The following FSTL4 variants were observed in gnomAD, a reference collection of about 807,000 sequenced individuals.
FSTL4 encodes follistatin like 4.
Under a neutral mutation model 78.2 loss-of-function variants are expected in FSTL4, and 28 were observed. The ratio of observed to expected loss-of-function variants is 0.36; its 90% confidence interval spans 0.27 to 0.49. The LOEUF is 0.49. Ranked by LOEUF, FSTL4 falls within the 20% of genes least tolerant of loss-of-function variation. The pLI, the probability that FSTL4 is intolerant of heterozygous loss-of-function variation, is 0.98. For synonymous variants in FSTL4, 422 were observed against 440.5 expected (o/e 0.96, Z 0.53); for missense variants, 922 against 1,084.9 (o/e 0.85, Z 2.11).
chr5:133,232,941 T>C (rs545026691), intron 8 of FSTL4, among the ~76,000 whole-genome samples: 58 of 152,220 alleles, frequency 3.8e-4, no homozygotes, highest in Non-Finnish European at 7.2e-4. Context: ...ATGAGGCTCA[T>C]TGGGCCTCCT....
chr5:133,405,886 G>A (rs1756352428), intron 3 of FSTL4, among the ~76,000 whole-genome samples: 1 of 152,202 alleles, frequency 6.6e-6, no homozygotes, highest in Non-Finnish European at 1.5e-5. Context: ...CGCAGTTCCT[G>A]CCTGCCAGCT....
the FSTL4 span, among the ~76,000 whole-genome samples, chr5:133,689,397 T>C: frequency 6.6e-6 from 1 of 152,176 alleles, no homozygotes; most frequent in Non-Finnish European, 1.5e-5. Context: ...CTTGAGGCAA[T>C]CTACAGTGCC....
chr5:133,561,787 C>T (rs1056333789), intron 3 of FSTL4, among the ~76,000 whole-genome samples: 4 of 152,154 alleles, frequency 2.6e-5, no homozygotes, highest in Non-Finnish European at 4.4e-5. Context: ...TACCTGAAGT[C>T]ACACTGTGAG....
chr5:133,336,860 T>C (rs1349460595), intron 4 of FSTL4, among the ~76,000 whole-genome samples: 1 of 151,988 alleles, frequency 6.6e-6, no homozygotes, highest in East Asian at 1.9e-4. Flanking sequence ...TTGAGGAGAG[T>C]GAGCACCATT....
At chr5:133,302,583 C>G (rs1253210196) in intron 6 of FSTL4, among the ~76,000 whole-genome samples, 1 of 152,140 alleles carries the variant, frequency 6.6e-6, no homozygotes, top group African/African-American at 2.4e-5. Context: ...GGCACTGTCC[C>G]GTGGAAGGCC....
At chr5:133,508,479 G>T (rs1758658455) in intron 3 of FSTL4, among the ~76,000 whole-genome samples, 1 of 152,190 alleles carries the variant, frequency 6.6e-6, no homozygotes, top group Non-Finnish European at 1.5e-5. Context: ...ACGTGAATAA[G>T]GATTATGCTG....
the FSTL4 span, among the ~76,000 whole-genome samples, chr5:133,654,802 G>A: frequency 7.9e-5 from 12 of 152,300 alleles, no homozygotes; most frequent in African/African-American, 2.9e-4. Context: ...AGGGATCCAC[G>A]AGTTCAGGTC....
At chr5:133,607,576 G>A (rs935903704) in intron 1 of FSTL4, among the ~76,000 whole-genome samples, 4 of 152,186 alleles carry the variant, frequency 2.6e-5, no homozygotes, top group Non-Finnish European at 5.9e-5. Flanking sequence ...AGTCAGGCAC[G>A]TAGACCCACG....
intron 4 of FSTL4, among the ~76,000 whole-genome samples, chr5:133,353,099 G>A (rs2126927978): frequency 6.6e-6 from 1 of 152,120 alleles, no homozygotes; most frequent in African/African-American, 2.4e-5. Context: ...TCCTACTTGT[G>A]CATTTGGCAT....
the FSTL4 span, among the ~76,000 whole-genome samples, chr5:133,736,819 T>C: frequency 6.6e-6 from 1 of 152,202 alleles, no homozygotes; most frequent in Non-Finnish European, 1.5e-5. Flanking sequence ...GCAGATGGAC[T>C]GCAGCCTTGT....
At chr5:133,419,279 C>G (rs1756643191) in intron 3 of FSTL4, among the ~76,000 whole-genome samples, 1 of 152,122 alleles carries the variant, frequency 6.6e-6, no homozygotes, top group Non-Finnish European at 1.5e-5. Context: ...GCCACCATGC[C>G]CAGCTAATTT....
the FSTL4 span, among the ~76,000 whole-genome samples, chr5:133,760,984 G>A: frequency 4.6e-5 from 7 of 152,246 alleles, no homozygotes; most frequent in East Asian, 1.9e-4. Context: ...CCAGCATGGC[G>A]GAAGCTCCTT....
chr5:133,739,027 G>A, the FSTL4 span, among the ~76,000 whole-genome samples: 1 of 152,088 alleles, frequency 6.6e-6, no homozygotes, highest in Admixed American at 6.5e-5. Flanking sequence ...CCTTGAGCCA[G>A]TGCCACCCCC....
At chr5:133,603,039 C>T (rs1007687340) in intron 2 of FSTL4, among the ~76,000 whole-genome samples, 2 of 152,208 alleles carry the variant, frequency 1.3e-5, no homozygotes, top group Admixed American at 6.5e-5. Flanking sequence ...AGGAAAAGTG[C>T]CCTGGAAAGC....
At chr5:133,468,697 T>A (rs1238788646) in intron 3 of FSTL4, among the ~76,000 whole-genome samples, 1 of 152,170 alleles carries the variant, frequency 6.6e-6, no homozygotes, top group Non-Finnish European at 1.5e-5. Context: ...TGAGACTCAG[T>A]GTGGCAGCAC....
chr5:133,458,438 G>A (rs1405129652), intron 3 of FSTL4: 1 of 152,226 alleles, frequency 6.6e-6, no homozygotes, highest in African/African-American at 2.4e-5. Context: ...CTTGGGTAGT[G>A]AGCCTCCTTC....
At chr5:133,627,968 T>C in the FSTL4 span, among the ~76,000 whole-genome samples, 2 of 152,096 alleles carry the variant, frequency 1.3e-5, no homozygotes, top group Middle Eastern at 3.2e-3. Flanking sequence ...AATTACATTA[T>C]ATAAAACTCA....
At chr5:133,401,278 C>A (rs1038360106) in intron 3 of FSTL4, among the ~76,000 whole-genome samples, 1 of 152,218 alleles carries the variant, frequency 6.6e-6, no homozygotes, top group Admixed American at 6.5e-5. Context: ...GGCTTTTGAT[C>A]AACTCTTGGT....
rs577798810 is a variant in FSTL4, at chr5:133,338,931, G to A, written c.410-22279C>T. 2.0e-5 allele frequency among the ~76,000 whole-genome samples: 3 copies of A among 152,158 alleles called. No individual in the cohort carries two copies. The highest frequency in any genetic ancestry group is 6.5e-5 in the Admixed American group (1 of 15,286). On this transcript the variant is annotated intron_variant, in intron 4 of 15. Transcript: ENST00000265342. The surrounding 1 kb of genome is among the most constrained non-coding windows in gnomAD (Gnocchi z 4.0). The stretch of plus-strand genomic sequence containing the variant: ...AGTTCAGGAAGCCATTAACACCCCC[G>A]GATGACCACTATGCCTCCGATCATG...
Sources: allele counts gnomAD v4.1 joint callset (sites outside exome capture counted in the v4.1 genomes callset), GRCh38; gene constraint gnomAD v4.1.1; non-coding constraint Gnocchi (gnomAD v3.1); transcripts MANE v1.5; gene names NCBI Gene and HGNC (gene_info 2026-07-23, HGNC 2026-07-21).